The following ARAP1 variants were observed in gnomAD, a reference collection of about 807,000 sequenced individuals.
The protein encoded by ARAP1 is ArfGAP with RhoGAP domain, ankyrin repeat and PH domain 1.
Under a neutral mutation model 172.2 loss-of-function variants are expected in ARAP1, and 76 were observed. The ratio of observed to expected loss-of-function variants is 0.44; its 90% CI spans 0.37 to 0.53. The LOEUF is 0.53. Among genes scored for constraint, ARAP1 ranks in the 20% least tolerant of loss-of-function variants. ARAP1 has a pLI of 0.00. For missense variants in ARAP1, 1,686 were observed against 1,977.5 expected (o/e 0.85, Z 2.80); for synonymous variants, 804 against 803.3 (o/e 1.00, Z -0.01).
intron 15 of ARAP1, among the ~76,000 whole-genome samples, chr11:72,702,541 C>G (rs1856536119): frequency 6.6e-6 from 1 of 152,212 alleles, no homozygotes; most frequent in African/African-American, 2.4e-5. Context: ...TGTAACTCAG[C>G]ACCCCTCACG....
chr11:72,712,787 A>T (rs2135544965), intron 5 of ARAP1: 1 of 668,252 alleles, frequency 1.5e-6, no homozygotes, highest in East Asian at 2.7e-5. Context: ...CCTAGGACAC[A>T]GACAAAAACA....
At position 72,710,034 on chromosome 11, in the gene ARAP1, G is replaced by C; in HGVS notation, c.1417-58C>G. The C allele has an allele frequency of 6.8e-7, 1 of 1,481,244 alleles. No homozygotes were observed. The highest frequency in any genetic ancestry group is 9.4e-7 in the Non-Finnish European group (1 of 1,060,004). 91.8% of individuals were successfully genotyped at this position (1,481,244 alleles called of 1,614,324 possible). On this transcript the variant is annotated intron_variant, in intron 10 of 34. Transcript: ENST00000393609. This position sits in a 1 kb window ranked among gnomAD's most constrained non-coding sequence, Gnocchi z 4.3. ...GCTTTGGGGGCAGGGCGTGAGGCTT[G>C]GGACAGGGAGAGGAAGGGAAGGTGG...
intron 1 of ARAP1, among the ~76,000 whole-genome samples, chr11:72,748,059 C>T (rs1858422737): frequency 6.6e-6 from 1 of 152,238 alleles, no homozygotes; most frequent in African/African-American, 2.4e-5. Flanking sequence ...AATCACTTAA[C>T]TTCTTGGGAC....
At chr11:72,694,131 C>T (rs1411343948) in intron 27 of ARAP1, among the ~76,000 whole-genome samples, 2 of 133,178 alleles carry the variant, frequency 1.5e-5, no homozygotes, top group African/African-American at 2.8e-5. Context: ...CAGAAACAAA[C>T]CCCTCCTCCC....
chr11:72,716,100 G>A (rs1857258169), intron 3 of ARAP1, among the ~76,000 whole-genome samples: 1 of 149,894 alleles, frequency 6.7e-6, no homozygotes, highest in Admixed American at 6.7e-5. Flanking sequence ...ATGAACCCGG[G>A]AGGTGGAGCT....
Position 72,712,428 on chromosome 11 carries a change from G to C in ARAP1, c.878+10C>G. The stretch of plus-strand genomic sequence containing the variant: ...GGGCTCAGTGGGAAGGAGGGTGGCC[G>C]GACACTCACTTGGGGACGCCCTCAT... On this transcript the variant is annotated intron_variant, in intron 6 of 34. Coordinates refer to ENST00000393609, the MANE Select transcript of ARAP1 (RefSeq NM_001040118.3). 1 of 1,560,190 alleles carries C rather than the reference G, an allele frequency of 6.4e-7. No individual in the cohort carries two copies. The highest frequency in any genetic ancestry group is 8.7e-7 in the Non-Finnish European group (1 of 1,146,568).
Position 72,699,414 on chromosome 11 carries a change from C to T in ARAP1, c.2438+3G>A. On this transcript the variant is annotated splice_donor_region_variant and intron_variant, in intron 17 of 34. Transcript: ENST00000393609. This position sits in a 1 kb window ranked among gnomAD's most constrained non-coding sequence, Gnocchi z 4.2. ...ACAGTCTGATTTGCCCAGGAGTACTCACCCATGGGTGTCAGGAGGGGGCAC... is the reference window on the plus strand; with the variant it reads ...ACAGTCTGATTTGCCCAGGAGTACTTACCCATGGGTGTCAGGAGGGGGCAC... 2 of 1,614,130 alleles carry T rather than the reference C, an allele frequency of 1.2e-6. No individual in the cohort carries two copies. The highest frequency in any genetic ancestry group is 2.2e-5 in the East Asian group (1 of 44,880).
At position 72,726,604 on chromosome 11, in the gene ARAP1, G is replaced by T; in HGVS notation, c.509+16C>A. 6.7e-7 allele frequency: 1 copy of T among 1,484,274 alleles called. No individual in the cohort carries two copies. The highest frequency in any genetic ancestry group is 9.0e-7 in the Non-Finnish European group (1 of 1,115,982). The allele number at this position is 1,484,274 out of a possible 1,614,324, so 91.9% of individuals were successfully genotyped here. On this transcript the variant is annotated intron_variant, in intron 3 of 34. Coordinates refer to ENST00000393609, the MANE Select transcript of ARAP1 (RefSeq NM_001040118.3). The surrounding 1 kb of genome is among the most constrained non-coding windows in gnomAD (Gnocchi z 6.5). ...CTCTGCCTGTGCGCCTCCCACCCTG[G>T]GTGGCATCCACTCACCTCACCAGCA... is the stretch of plus-strand genomic sequence containing the variant.
At chr11:72,705,584 AT>A (rs1476801208) in intron 13 of ARAP1, 1 of 478,890 alleles carries the variant, frequency 2.1e-6, no homozygotes, top group Non-Finnish European at 3.7e-6. Flanking sequence ...TTAAAAAAAA[AT>A]AACACTTTAC....
intron 1 of ARAP1, among the ~76,000 whole-genome samples, chr11:72,734,176 A>G (rs1857944873): frequency 6.6e-6 from 1 of 152,176 alleles, no homozygotes; most frequent in African/African-American, 2.4e-5. Flanking sequence ...GCTGGAGTGT[A>G]GTAGTGCAAT....
intron 3 of ARAP1, chr11:72,722,253 G>A (rs981846137): frequency 1.4e-5 from 14 of 985,498 alleles, no homozygotes; most frequent in African/African-American, 1.7e-5. Context: ...GTGTATGTCT[G>A]CACCCAGCTC....
chr11:72,721,194 A>T (rs572952038), intron 3 of ARAP1, among the ~76,000 whole-genome samples: 1 of 152,282 alleles, frequency 6.6e-6, no homozygotes, highest in South Asian at 2.1e-4. Flanking sequence ...GGACTTGGTT[A>T]GAGGTCTATG....
chr11:72,687,141 C>T (rs1478898086), intron 33 of ARAP1: 5 of 467,498 alleles, frequency 1.1e-5, no homozygotes, highest in Non-Finnish European at 2.0e-5. Flanking sequence ...ACTGCCACCA[C>T]AGCACTGATC....
In ARAP1 at chr11:72,727,661, G is replaced by A. The variant is rs75454431; in HGVS notation, c.-44-489C>T. ...ACTGCTGGTCCCTCCTGCAAGCCCAGTCTGGGAGCCGAGACTAGCCTCCCC... is the reference window on the plus strand; with the variant it reads ...ACTGCTGGTCCCTCCTGCAAGCCCAATCTGGGAGCCGAGACTAGCCTCCCC... On this transcript the variant is annotated intron_variant, in intron 2 of 34. Coordinates refer to ENST00000393609, the MANE Select transcript of ARAP1 (RefSeq NM_001040118.3). Among the ~76,000 whole-genome samples the A allele has an allele frequency of 7.1e-3, 1,083 of 152,340 alleles. 17 individuals carry two copies. The highest frequency in any genetic ancestry group is 0.025 in the African/African-American group (1,019 of 41,572).
chr11:72,685,709 A>G (rs781087301), intron 34 of ARAP1, 28 bp from the exon 35 acceptor site: 1 of 1,613,774 alleles, frequency 6.2e-7, no homozygotes, highest in African/African-American at 1.3e-5. Context: ...ACCCACAGGT[A>G]TTTTGTGAAG....
intron 15 of ARAP1, 115 bp downstream of exon 15, chr11:72,702,790 C>T: frequency 7.5e-7 from 1 of 1,331,990 alleles, no homozygotes; most frequent in Non-Finnish European, 1.0e-6. Context: ...CCAGCTCACA[C>T]ATGATTTATC....
intron 11 of ARAP1, chr11:72,708,386 C>T (rs1032010367): frequency 3.3e-5 from 5 of 152,268 alleles, no homozygotes; most frequent in African/African-American, 1.2e-4. Context: ...TTGTGTAGAA[C>T]ACTAAGTCTA....
chr11:72,696,725 G>C (rs2306612), intron 22 of ARAP1, 71 bp from the exon 23 acceptor site: 709,554 of 1,321,088 alleles, frequency 0.54, 192,165 homozygotes, highest in Non-Finnish European at 0.56. Context: ...CTGGGCTGCT[G>C]TGCCTCTCAT....
At chr11:72,735,750 C>T (rs1270445527) in intron 1 of ARAP1, among the ~76,000 whole-genome samples, 1 of 152,208 alleles carries the variant, frequency 6.6e-6, no homozygotes, top group Non-Finnish European at 1.5e-5. Flanking sequence ...AAAAGCCTGG[C>T]TCCCTACTGG....
Sources: gnomAD v4.1 joint callset for allele counts (sites outside exome capture counted in the v4.1 genomes callset) on GRCh38, gnomAD v4.1.1 for gene constraint, Gnocchi (gnomAD v3.1) non-coding constraint, MANE v1.5 for transcripts, NCBI Gene and HGNC (gene_info 2026-07-23, HGNC 2026-07-21) for gene names.